The following OPCML variants were observed in gnomAD, a reference collection of about 807,000 sequenced individuals.
OPCML encodes opioid binding protein/cell adhesion molecule like, also known as opioid-binding protein/cell adhesion molecule.
OPCML carries 13 observed loss-of-function variants against 37.8 expected under a neutral mutation model. That is an observed-to-expected ratio of 0.34 (90% CI 0.22 to 0.55). The LOEUF (loss-of-function observed/expected upper bound fraction) is 0.55. Ranked by LOEUF, OPCML falls within the 20% of genes least tolerant of loss-of-function variation. OPCML has a pLI of 0.91. For synonymous variants in OPCML, 176 were observed against 168.8 expected (o/e 1.04, Z -0.33); for missense variants, 341 against 435.6 (o/e 0.78, Z 1.93).
At chr11:133,373,251 G>T (rs898531622) in intron 1 of OPCML, among the ~76,000 whole-genome samples, 15 of 151,486 alleles carry the variant, frequency 9.9e-5, no homozygotes, top group African/African-American at 3.6e-4. Flanking sequence ...TTTAACAAAA[G>T]TTCCTGTTCC....
At chr11:132,619,051 A>G (rs2137902022) in intron 3 of OPCML, among the ~76,000 whole-genome samples, 1 of 151,984 alleles carries the variant, frequency 6.6e-6, no homozygotes, top group South Asian at 2.1e-4. Flanking sequence ...AAAGCATGGA[A>G]GCTCCTGCGA....
chr11:133,240,344 G>A (rs573465694), intron 1 of OPCML, among the ~76,000 whole-genome samples: 11 of 151,998 alleles, frequency 7.2e-5, no homozygotes, highest in Non-Finnish European at 1.5e-4. Flanking sequence ...TGTCCACCAA[G>A]GCTAAGCTTT....
chr11:132,739,434 A>C lies in OPCML; in HGVS notation c.147-82115T>G, dbSNP rs56359529. Among the ~76,000 whole-genome samples, 583 of 152,336 alleles carry C rather than the reference A, an allele frequency of 3.8e-3. 4 individuals are homozygous for C. The highest frequency in any genetic ancestry group is 0.013 in the African/African-American group (555 of 41,578). Reference sequence around the variant, plus strand: ...GAAGAAAAAGTTTTTTTCCTCCCTAACTAGTATTCTGGAACAAACTTTGTA... The same window carrying C: ...GAAGAAAAAGTTTTTTTCCTCCCTACCTAGTATTCTGGAACAAACTTTGTA... On this transcript the variant is annotated intron_variant, in intron 2 of 7. Transcript: ENST00000524381.
At chr11:133,468,398 C>A (rs140352066) in intron 1 of OPCML, among the ~76,000 whole-genome samples, 30 of 152,296 alleles carry the variant, frequency 2.0e-4, no homozygotes, top group Non-Finnish European at 3.1e-4. Flanking sequence ...CTTTCTGGTT[C>A]CCAACACACT....
intron 1 of OPCML, among the ~76,000 whole-genome samples, chr11:133,390,373 A>G (rs370588704): frequency 7.2e-5 from 11 of 152,094 alleles, no homozygotes; most frequent in East Asian, 1.9e-4. Context: ...TGAGGCAGGA[A>G]AATGGCGTGA....
chr11:132,502,868 C>T (rs1241291411), intron 4 of OPCML, among the ~76,000 whole-genome samples: 1 of 152,152 alleles, frequency 6.6e-6, no homozygotes, highest in Non-Finnish European at 1.5e-5. Flanking sequence ...CTCACGATGA[C>T]GATGATAACA....
chr11:132,894,972 T>C (rs1943781014), intron 2 of OPCML, among the ~76,000 whole-genome samples: 1 of 152,214 alleles, frequency 6.6e-6, no homozygotes, highest in South Asian at 2.1e-4. Context: ...CACATATATC[T>C]ATATATCTAT....
intron 1 of OPCML, among the ~76,000 whole-genome samples, chr11:133,392,026 A>AT (rs940658805): frequency 6.6e-6 from 1 of 152,138 alleles, no homozygotes; most frequent in East Asian, 1.9e-4. Flanking sequence ...ATTAAAGACT[A>AT]TTTTTTTCAA....
chr11:133,007,646 C>T, intron 1 of OPCML: 3 of 985,294 alleles, frequency 3.0e-6, no homozygotes, highest in Non-Finnish European at 3.6e-6. Flanking sequence ...TTTTTATTCT[C>T]TTTCAGTCTT....
intron 1 of OPCML, among the ~76,000 whole-genome samples, chr11:133,037,111 T>A (rs1439830907): frequency 6.6e-6 from 1 of 152,048 alleles, no homozygotes; most frequent in African/African-American, 2.4e-5. Context: ...GAAGAGGGCA[T>A]TGAGGATAGT....
intron 3 of OPCML, among the ~76,000 whole-genome samples, chr11:132,635,823 A>C (rs879233531): frequency 6.6e-6 from 1 of 152,182 alleles, no homozygotes; most frequent in Admixed American, 6.5e-5. Context: ...GGTAATCATG[A>C]TCATAAGTCA....
intron 3 of OPCML, among the ~76,000 whole-genome samples, chr11:132,653,497 C>T (rs192329737): frequency 1.3e-5 from 2 of 152,332 alleles, no homozygotes; most frequent in East Asian, 3.9e-4. Context: ...GGATTTCCTC[C>T]ACACTGAGGT....
chr11:133,195,010 G>T (rs903163119), intron 1 of OPCML, among the ~76,000 whole-genome samples: 2 of 152,132 alleles, frequency 1.3e-5, no homozygotes, highest in African/African-American at 4.8e-5. Context: ...ATTATTAACT[G>T]TTCCACTTTT....
chr11:133,504,290 T>C (rs1947982037), intron 1 of OPCML, among the ~76,000 whole-genome samples: 1 of 152,204 alleles, frequency 6.6e-6, no homozygotes, highest in Non-Finnish European at 1.5e-5. Context: ...TAAGAAATAC[T>C]TTTTGCATTT....
intron 1 of OPCML, among the ~76,000 whole-genome samples, chr11:133,191,116 C>T (rs906989234): frequency 2.6e-5 from 4 of 151,948 alleles, no homozygotes; most frequent in South Asian, 2.1e-4. Flanking sequence ...TACGAGGTTT[C>T]CAGTTTCTCT....
chr11:133,378,425 C>T (rs1249692505), intron 1 of OPCML, among the ~76,000 whole-genome samples: 1 of 152,154 alleles, frequency 6.6e-6, no homozygotes, highest in East Asian at 1.9e-4. Context: ...AGCACAAATT[C>T]TACTTTTCTC....
rs1396464888 is a variant in OPCML, at chr11:132,510,631, C to T, written c.505+18430G>A. 2.6e-5 allele frequency among the ~76,000 whole-genome samples: 4 copies of T among 152,272 alleles called. No individual in the cohort carries two copies. In the South Asian group the frequency reaches 6.2e-4, roughly 24 times the overall value. On this transcript the variant is annotated intron_variant, in intron 4 of 7. Coordinates refer to ENST00000524381, the MANE Select transcript of OPCML (RefSeq NM_001012393.5). ...CAGGGCTTTCCACTTTTGCTTCTTC[C>T]TCATTTTCTCTTGCTGCCACCATGT...
At chr11:133,011,390 C>A (rs186096464) in intron 1 of OPCML, among the ~76,000 whole-genome samples, 3 of 152,108 alleles carry the variant, frequency 2.0e-5, no homozygotes, top group Non-Finnish European at 2.9e-5. Context: ...GAGGCTGCAA[C>A]CTTGAATAAT....
At chr11:133,286,380 G>A (rs2136523676) in intron 1 of OPCML, among the ~76,000 whole-genome samples, 1 of 148,308 alleles carries the variant, frequency 6.7e-6, no homozygotes, top group East Asian at 2.0e-4. Context: ...TGAGGCAGGA[G>A]AATGGCGTGA....
Sources: allele counts gnomAD v4.1 joint callset (sites outside exome capture counted in the v4.1 genomes callset), GRCh38; gene constraint gnomAD v4.1.1; transcripts MANE v1.5; gene names NCBI Gene and HGNC (gene_info 2026-07-23, HGNC 2026-07-21).